The following PCDHGA11 variants were observed in gnomAD, a reference collection of about 807,000 sequenced individuals.
PCDHGA11 encodes the protein protocadherin gamma-A11.
Under a neutral mutation model 60.4 loss-of-function variants are expected in PCDHGA11, and 39 were observed. The observed-to-expected ratio is 0.65, with a 90% CI of 0.50 to 0.84. The LOEUF (loss-of-function observed/expected upper bound fraction) is 0.84, where lower values mean the gene tolerates loss of function less well. PCDHGA11 is among the 40% of genes least tolerant of loss of function. PCDHGA11 has a pLI of 0.00. For synonymous variants in PCDHGA11, 533 were observed against 510.3 expected (o/e 1.04, Z -0.60); for missense variants, 1,165 against 1,197.7 (o/e 0.97, Z 0.40).
At position 141,486,882 on chromosome 5, in the gene PCDHGA11, C is replaced by T; in HGVS notation, c.2434-7925C>T. The T allele has an allele frequency of 6.2e-7, 1 of 1,614,244 alleles. No individual in the cohort carries two copies. The highest frequency in any genetic ancestry group is 1.1e-5 in the South Asian group (1 of 91,086). On this transcript the variant is annotated intron_variant, in intron 1 of 3. Transcript: ENST00000398587. This position sits in a 1 kb window ranked among gnomAD's most constrained non-coding sequence, Gnocchi z 5.0. ...GCTCCAGCTGTGCTCCGTCCTCGGG[C>T]CCGGCCTGGTTCCTTATGTCCCCAA...
intron 3 of PCDHGA11, among the ~76,000 whole-genome samples, chr5:141,508,772 C>T (rs1015277795): frequency 5.3e-5 from 8 of 152,070 alleles, no homozygotes; most frequent in African/African-American, 1.2e-4. Flanking sequence ...TGAGGTCCCC[C>T]CTCTAGCCCC....
intron 2 of PCDHGA11, among the ~76,000 whole-genome samples, chr5:141,499,326 C>T (rs1465474737): frequency 6.6e-6 from 1 of 152,156 alleles, no homozygotes. Context: ...TATCCCTGCT[C>T]TCTCTCAGTT....
intron 1 of PCDHGA11, 80 bp downstream of exon 1, chr5:141,423,740 G>T: frequency 1.4e-6 from 1 of 698,992 alleles, no homozygotes; most frequent in Non-Finnish European, 1.8e-6. Flanking sequence ...AGCCTGTTAT[G>T]AAAACTGTTT....
At position 141,494,693 on chromosome 5, in the gene PCDHGA11, G is replaced by A. The variant is rs2099756182; in HGVS notation, c.2434-114G>A. The A allele has an allele frequency of 5.0e-6, 8 of 1,585,786 alleles. No individual in the cohort carries two copies. In the South Asian group the frequency reaches 6.8e-5, roughly 13 times the overall value. ...GTCCACCCCTGCCCCCTCTTAGTCC[G>A]TTTTCTTCTCTGTGCCCACTCCCCT... is the stretch of plus-strand genomic sequence containing the variant. On this transcript the variant is annotated intron_variant, in intron 1 of 3. Transcript: ENST00000398587.
At chr5:141,430,656 G>A in intron 1 of PCDHGA11, 1 of 1,092,670 alleles carries the variant, frequency 9.2e-7, no homozygotes, top group Non-Finnish European at 1.3e-6. Context: ...GGAAACAACG[G>A]AGGAGCTCTG....
chr5:141,482,245 G>A (rs72790067), intron 1 of PCDHGA11, among the ~76,000 whole-genome samples: 74 of 152,252 alleles, frequency 4.9e-4, no homozygotes, highest in Non-Finnish European at 7.9e-4. Flanking sequence ...TATAAGTATA[G>A]TACTGTACAT....
chr5:141,505,592 A>T, intron 3 of PCDHGA11, 111 bp downstream of exon 3: 2 of 1,567,266 alleles, frequency 1.3e-6, no homozygotes, highest in Admixed American at 3.6e-5. Flanking sequence ...GTTTCTCCAG[A>T]TCTTTCGGCA....
At chr5:141,470,059 G>A (rs1206799372) in intron 1 of PCDHGA11, among the ~76,000 whole-genome samples, 6 of 152,186 alleles carry the variant, frequency 3.9e-5, no homozygotes, top group African/African-American at 1.4e-4. Context: ...AACCCCGGAG[G>A]CAGAGACTGT....
intron 2 of PCDHGA11, among the ~76,000 whole-genome samples, chr5:141,501,290 TACACACACACACACACACACACAC>T (rs55762287): frequency 7.3e-6 from 1 of 136,162 alleles, no homozygotes; most frequent in African/African-American, 2.7e-5. Flanking sequence ...TATTCCCTTA[TACACACACACACACACACACACAC>T]ACACACACAC....
chr5:141,450,565 C>A (rs1024229182), intron 1 of PCDHGA11, among the ~76,000 whole-genome samples: 4 of 152,016 alleles, frequency 2.6e-5, no homozygotes, highest in African/African-American at 9.7e-5. Flanking sequence ...CGGCTCACTG[C>A]AACTTCTGCC....
At chr5:141,438,334 A>G (rs756299924) in intron 1 of PCDHGA11, among the ~76,000 whole-genome samples, 6 of 151,946 alleles carry the variant, frequency 3.9e-5, no homozygotes, top group Non-Finnish European at 7.4e-5. Context: ...TATACATGTC[A>G]TATAAGGATC....
chr5:141,423,506 T>C lies in PCDHGA11; in HGVS notation c.2279T>C (p.Leu760Pro), dbSNP rs1242003813. 1 of 1,613,808 alleles carries C rather than the reference T, an allele frequency of 6.2e-7. No homozygotes were observed. The highest frequency in any genetic ancestry group is 1.3e-5 in the African/African-American group (1 of 74,928). The change falls in exon 1 of 4, where the codon CTC becomes CCC. Residue 760 changes from leucine to proline, a missense_variant. Leu to Pro is a moderately conservative substitution (Grantham distance 98). Coordinates refer to ENST00000398587, the MANE Select transcript of PCDHGA11 (RefSeq NM_018914.3). ...FLQTYSHEVSLIADSQKSHLI... is the reference protein window; with the variant it reads ...FLQTYSHEVSPIADSQKSHLI... ...CAAACCTATTCCCACGAGGTCTCTC[T>C]CATTGCGGACTCGCAGAAGAGTCAC...
chr5:141,430,015 T>G (rs2097256653), intron 1 of PCDHGA11, among the ~76,000 whole-genome samples: 1 of 152,236 alleles, frequency 6.6e-6, no homozygotes, highest in South Asian at 2.1e-4. Context: ...TTCACTTGGG[T>G]TCTTGTTAAG....
At position 141,485,359 on chromosome 5, in the gene PCDHGA11, C is replaced by G. The variant is rs1233826208; in HGVS notation, c.2434-9448C>G. 6.2e-7 allele frequency: 1 copy of G among 1,614,026 alleles called. No individual in the cohort carries two copies. The highest frequency in any genetic ancestry group is 8.5e-7 in the Non-Finnish European group (1 of 1,180,018). On this transcript the variant is annotated intron_variant, in intron 1 of 3. Transcript: ENST00000398587. This position sits in a 1 kb window ranked among gnomAD's most constrained non-coding sequence, Gnocchi z 5.7. ...TGGATACGGACAGTCTGTCAGCTCG[C>G]AGGCTGCAGGTCGCTGGAGAGGTGA...
At position 141,489,264 on chromosome 5, in the gene PCDHGA11, G is replaced by T. The variant is rs1314393358; in HGVS notation, c.2434-5543G>T. 10 of 1,553,088 alleles carry T rather than the reference G, an allele frequency of 6.4e-6. No individual in the cohort carries two copies. Among genetic ancestry groups the T allele is most frequent in the Non-Finnish European group, 7.0e-6 (8 of 1,149,620 alleles). ...TCATGGGGCCCAAGACACTCCCACA[G>T]CTCGCTGGGAAATGGCAAGTGCTGT... On this transcript the variant is annotated intron_variant, in intron 1 of 3. Transcript: ENST00000398587. The surrounding 1 kb of genome is among the most constrained non-coding windows in gnomAD (Gnocchi z 4.5).
chr5:141,507,619 G>T (rs1237918589), intron 3 of PCDHGA11, among the ~76,000 whole-genome samples: 22 of 152,256 alleles, frequency 1.4e-4, no homozygotes, highest in Admixed American at 1.4e-3. Context: ...ATATTTAGCT[G>T]TTGTGGCCTT....
rs1196201183 is a variant in PCDHGA11, at chr5:141,490,944, G to A, written c.2434-3863G>A. ...ATGCCCCAGCTGTGCTGCACCCACG[G>A]CCAGACTGGGAACACTCAGCCCCCC... On this transcript the variant is annotated intron_variant, in intron 1 of 3. Transcript: ENST00000398587. This position sits in a 1 kb window ranked among gnomAD's most constrained non-coding sequence, Gnocchi z 5.4. 6.2e-7 allele frequency: 1 copy of A among 1,613,488 alleles called. No individual in the cohort carries two copies. The highest frequency in any genetic ancestry group is 1.3e-5 in the African/African-American group (1 of 74,906).
chr5:141,498,294 G>A (rs2099782964), intron 2 of PCDHGA11, among the ~76,000 whole-genome samples: 1 of 151,910 alleles, frequency 6.6e-6, no homozygotes, highest in African/African-American at 2.4e-5. Flanking sequence ...GATCAAGCCA[G>A]CTCTGGGTCA....
Position 141,491,478 on chromosome 5 carries a change from C to A in PCDHGA11, c.2434-3329C>A. ...CCCCGGACTTCTATAAGCAGTCCAG[C>A]CCCAACCTGCAGGTGAGCTCGGACG... On this transcript the variant is annotated intron_variant, in intron 1 of 3. Coordinates refer to ENST00000398587, the MANE Select transcript of PCDHGA11 (RefSeq NM_018914.3). The surrounding 1 kb of genome is among the most constrained non-coding windows in gnomAD (Gnocchi z 6.9). 6.2e-7 allele frequency: 1 copy of A among 1,614,068 alleles called. No individual in the cohort carries two copies. Among genetic ancestry groups the A allele is most frequent in the Non-Finnish European group, 8.5e-7 (1 of 1,180,004 alleles).
Sources: gnomAD v4.1 joint callset for allele counts (sites outside exome capture counted in the v4.1 genomes callset) on GRCh38, gnomAD v4.1.1 for gene constraint, Gnocchi (gnomAD v3.1) non-coding constraint, MANE v1.5 for transcripts, NCBI Gene and HGNC (gene_info 2026-07-23, HGNC 2026-07-21) for gene names.